ICE2: variants seen among roughly 807,000 people sequenced by gnomAD.
ICE2 encodes the protein little elongation complex subunit 2.
Under a neutral mutation model 105.4 loss-of-function variants are expected in ICE2, and 87 were observed. That is an observed-to-expected ratio of 0.83 (90% CI 0.69 to 0.99). The LOEUF is 0.99. Among genes scored for constraint, ICE2 ranks in the 50% least tolerant of loss-of-function variants. ICE2 has a pLI of 0.00. For synonymous variants in ICE2, 399 were observed against 392.0 expected, an observed-to-expected ratio of 1.02 and a Z score of -0.21; for missense variants, 1,323 against 1,146.7, an observed-to-expected ratio of 1.15 and a Z score of -2.22.
At chr15:60,447,892 A>G in intron 11 of ICE2, 78 bp downstream of exon 11, 1 of 1,212,836 alleles carries the variant, frequency 8.2e-7, no homozygotes, top group Non-Finnish European at 1.2e-6. Context: ...CAACAATTTA[A>G]ACTTCACAGT....
chr15:60,466,135 A>G (rs2141136435), intron 5 of ICE2, among the ~76,000 whole-genome samples: 1 of 152,326 alleles, frequency 6.6e-6, no homozygotes, highest in East Asian at 1.9e-4. Flanking sequence ...AGGTCTTACT[A>G]ATAAATTTGC....
intron 14 of ICE2, among the ~76,000 whole-genome samples, chr15:60,430,511 A>T (rs999746683): frequency 6.6e-6 from 1 of 152,226 alleles, no homozygotes; most frequent in Non-Finnish European, 1.5e-5. Flanking sequence ...TGATAATAAA[A>T]TTTCAAAAAA....
chr15:60,470,846 A>C (rs951088826), intron 3 of ICE2, among the ~76,000 whole-genome samples: 1 of 152,116 alleles, frequency 6.6e-6, no homozygotes, highest in African/African-American at 2.4e-5. Flanking sequence ...TTTAAAAATT[A>C]TATCTATTAA....
intron 15 of ICE2, among the ~76,000 whole-genome samples, chr15:60,425,417 G>T (rs1239210693): frequency 6.6e-6 from 1 of 152,182 alleles, no homozygotes; most frequent in Non-Finnish European, 1.5e-5. Context: ...GCAAGACTGT[G>T]TGTGTCTGAA....
rs549688072 is a variant in ICE2 at position 60,453,406 on chromosome 15, T to C, written c.1125+197A>G. ...GTCAAGTAGGTACTACTTCCTTTCA[T>C]GTATGAAAGGAGAAAACTTAGGCTG... On this transcript the variant is annotated intron_variant, in intron 9 of 15. Transcript: ENST00000261520. 24 of 1,369,440 alleles carry C rather than the reference T, an allele frequency of 1.8e-5. No individual in the cohort carries two copies. The Admixed American group carries it at 4.9e-4, about 28-fold the overall frequency. 84.8% of individuals were successfully genotyped at this position (1,369,440 alleles called of 1,614,324 possible). A position where few individuals can be genotyped will look rare whatever the true frequency, so the allele number is the denominator to read the frequency against.
rs879847644 is a variant in ICE2, at chr15:60,422,838, C to CA, written c.*795dup. 1,624 of 116,676 alleles carry CA rather than the reference C, an allele frequency of 0.014. 24 individuals are homozygous for CA. The highest frequency in any genetic ancestry group is 0.045 in the African/African-American group (1,424 of 31,898). 7.2% of individuals were successfully genotyped at this position (116,676 alleles called of 1,614,324 possible). ...TGGGCAACAGAGCGAGACTCCATCT[C>CA]AAAAAAAAAAAAAAGCTTATGCTTT... is the stretch of plus-strand genomic sequence containing the variant. On this transcript the variant is annotated 3_prime_UTR_variant, in exon 16 of 16. Coordinates refer to ENST00000261520, the MANE Select transcript of ICE2 (RefSeq NM_024611.6).
At chr15:60,423,910 A>T (rs945675187) in intron 15 of ICE2, 148 bp from the exon 16 acceptor site, 1 of 651,742 alleles carries the variant, frequency 1.5e-6, no homozygotes, top group African/African-American at 1.9e-5. Flanking sequence ...CTGTTTCTAA[A>T]CAAGTTTTAA....
intron 8 of ICE2, among the ~76,000 whole-genome samples, chr15:60,454,454 T>A (rs538916932): frequency 6.6e-6 from 1 of 152,218 alleles, no homozygotes; most frequent in African/African-American, 2.4e-5. Context: ...ATTTCATGTA[T>A]TTCTTGGCCA....
chr15:60,472,949 A>T (rs1239194441), intron 3 of ICE2, among the ~76,000 whole-genome samples: 1 of 151,944 alleles, frequency 6.6e-6, no homozygotes, highest in East Asian at 1.9e-4. Flanking sequence ...TTAATTTGAG[A>T]TAAGGTCTCA....
intron 10 of ICE2, among the ~76,000 whole-genome samples, chr15:60,448,446 C>T (rs2063875486): frequency 6.6e-6 from 1 of 152,130 alleles, no homozygotes; most frequent in African/African-American, 2.4e-5. Flanking sequence ...AATGTTATTC[C>T]TAATCTAGGC....
At chr15:60,433,046 A>G (rs1419969556) in intron 13 of ICE2, among the ~76,000 whole-genome samples, 1 of 151,774 alleles carries the variant, frequency 6.6e-6, no homozygotes, top group Non-Finnish European at 1.5e-5. Flanking sequence ...CAGAGAAGCC[A>G]CTCACTCGGG....
intron 3 of ICE2, among the ~76,000 whole-genome samples, chr15:60,472,940 TA>T (rs2064646782): frequency 6.6e-6 from 1 of 152,142 alleles, no homozygotes; most frequent in Admixed American, 6.5e-5. Flanking sequence ...TGTTTTTTTT[TA>T]ATTTGAGATA....
intron 12 of ICE2, 47 bp from the exon 13 acceptor site, chr15:60,436,274 T>TAA: frequency 2.8e-6 from 2 of 704,464 alleles, no homozygotes; most frequent in Admixed American, 3.5e-5. Flanking sequence ...TTGCAGTATT[T>TAA]AGAAAAAAAA....
Position 60,476,180 on chromosome 15 carries a change from G to C in ICE2, c.42-13C>G. 1 of 1,504,850 alleles carries C rather than the reference G, an allele frequency of 6.6e-7. No homozygotes were observed. The highest frequency in any genetic ancestry group is 9.2e-7 in the Non-Finnish European group (1 of 1,091,976). 93.2% of individuals were successfully genotyped at this position (1,504,850 alleles called of 1,614,324 possible). ...GGGGGAAATATCCCTGTGAAACAAA[G>C]TAATTTACTTACATTTGACAATTCA... On this transcript the variant is annotated splice_polypyrimidine_tract_variant and intron_variant, in intron 2 of 15. Coordinates refer to ENST00000261520, the MANE Select transcript of ICE2 (RefSeq NM_024611.6).
intron 15 of ICE2, among the ~76,000 whole-genome samples, chr15:60,425,929 G>C (rs1196619417): frequency 6.6e-6 from 1 of 152,092 alleles, no homozygotes; most frequent in Non-Finnish European, 1.5e-5. Flanking sequence ...GAGGTGAGTA[G>C]ATCACCAAAA....
chr15:60,429,750 T>C (rs1323944672), intron 14 of ICE2, among the ~76,000 whole-genome samples: 2 of 151,546 alleles, frequency 1.3e-5, no homozygotes, highest in Admixed American at 6.6e-5. Context: ...CCTCTGGAAA[T>C]TTTTTTTCCC....
At position 60,428,699 on chromosome 15, in the gene ICE2, C is replaced by A; in HGVS notation, c.2562-12G>T. The A allele has an allele frequency of 6.2e-7, 1 of 1,609,928 alleles. No individual in the cohort carries two copies. The highest frequency in any genetic ancestry group is 1.1e-5 in the South Asian group (1 of 90,916). ...AACCCTCCTGCAAGCTAAATTCACA[C>A]AATGAAACTCAACCCACTGGCTCAC... is the stretch of plus-strand genomic sequence containing the variant. On this transcript the variant is annotated splice_polypyrimidine_tract_variant and intron_variant, in intron 14 of 15. Coordinates refer to ENST00000261520, the MANE Select transcript of ICE2 (RefSeq NM_024611.6).
intron 14 of ICE2, among the ~76,000 whole-genome samples, chr15:60,429,173 T>C (rs1366131897): frequency 6.6e-6 from 1 of 152,224 alleles, no homozygotes; most frequent in Non-Finnish European, 1.5e-5. Context: ...ACAATCACAG[T>C]ACAACATGAG....
chr15:60,428,451 A>G lies in ICE2; in HGVS notation c.2798T>C (p.Leu933Pro), dbSNP rs2063384424. 6.2e-7 allele frequency: 1 copy of G among 1,613,878 alleles called. No individual in the cohort carries two copies. The highest frequency in any genetic ancestry group is 1.3e-5 in the African/African-American group (1 of 74,934). ...TACCTTTTGTTGTGTTGTGGTATCC[A>G]GTGATTTCGGTGGAAAAGTACAAGG... ...RIPCTFPPKS[L>P]DTTTQQKIGG... is the part of the protein sequence containing the mutation. Residue 933 changes from leucine (L) to proline (P), a missense_variant, in exon 15 of 16, where the codon CTG becomes CCG. Leu to Pro is a moderately conservative substitution (Grantham distance 98, BLOSUM62 -3). Transcript: ENST00000261520.
Sources: allele counts gnomAD v4.1 joint callset (sites outside exome capture counted in the v4.1 genomes callset), GRCh38; gene constraint gnomAD v4.1.1; transcripts MANE v1.5; gene names NCBI Gene and HGNC (gene_info 2026-07-23, HGNC 2026-07-21).